Variants in GAB2 observed in about 807,000 individuals in gnomAD.
The protein encoded by GAB2 is GRB2 associated binding protein 2.
GAB2 carries 26 observed loss-of-function variants against 65.5 expected under a neutral mutation model. The observed-to-expected ratio is 0.40, with a 90% CI of 0.29 to 0.55. GAB2 has a LOEUF of 0.55. Among genes scored for constraint, GAB2 ranks in the 20% least tolerant of loss-of-function variants. The pLI is 0.53. For missense variants in GAB2, 884 were observed against 875.8 expected, an observed-to-expected ratio of 1.01 and a Z score of -0.12; for synonymous variants, 321 against 329.6, an observed-to-expected ratio of 0.97 and a Z score of 0.28.
At chr11:78,304,032 ATT>A (rs1855296101) in intron 1 of GAB2, among the ~76,000 whole-genome samples, 2 of 151,958 alleles carry the variant, frequency 1.3e-5, no homozygotes, top group African/African-American at 4.8e-5. Flanking sequence ...TTATATTTAA[ATT>A]ATATATTTAA....
At chr11:78,258,534 T>A (rs1865653939) in intron 2 of GAB2, among the ~76,000 whole-genome samples, 1 of 152,134 alleles carries the variant, frequency 6.6e-6, no homozygotes, top group African/African-American at 2.4e-5. Context: ...ATGAGAAACA[T>A]GTATTTAAAA....
chr11:78,354,733 C>T (rs188716255), intron 1 of GAB2, among the ~76,000 whole-genome samples: 1 of 152,208 alleles, frequency 6.6e-6, no homozygotes, highest in South Asian at 2.1e-4. Context: ...TTAAATCTGA[C>T]CTTTTCCTGT....
At chr11:78,350,388 G>C (rs1856258247) in intron 1 of GAB2, among the ~76,000 whole-genome samples, 1 of 152,168 alleles carries the variant, frequency 6.6e-6, no homozygotes, top group Admixed American at 6.5e-5. Context: ...AGACTGGAGT[G>C]ATCAGGTTTT....
chr11:78,260,488 T>TC (rs1660392388), intron 2 of GAB2, among the ~76,000 whole-genome samples: 1 of 152,054 alleles, frequency 6.6e-6, no homozygotes, highest in Non-Finnish European at 1.5e-5. Flanking sequence ...TTTTTTTTTT[T>TC]TGAATGGAGT....
At chr11:78,327,786 T>C (rs1477929347) in intron 1 of GAB2, among the ~76,000 whole-genome samples, 1 of 152,212 alleles carries the variant, frequency 6.6e-6, no homozygotes, top group East Asian at 1.9e-4. Flanking sequence ...TCCTAAATTC[T>C]TAATAACTAG....
At chr11:78,249,685 AT>A (rs766558269) in intron 3 of GAB2, among the ~76,000 whole-genome samples, 1 of 152,178 alleles carries the variant, frequency 6.6e-6, no homozygotes, top group Non-Finnish European at 1.5e-5. Flanking sequence ...AAGGAACTGA[AT>A]TTTACATTTT....
intron 1 of GAB2, among the ~76,000 whole-genome samples, chr11:78,307,634 G>GAGAGAGAGAGAGAGA (rs1351551132): frequency 2.0e-5 from 3 of 150,232 alleles, no homozygotes; most frequent in Admixed American, 1.3e-4. Flanking sequence ...GAGAGAGAGA[G>GAGAGAGAGAGAGAGA]ATGTTGAGTC....
chr11:78,339,114 T>C (rs1181909691), intron 1 of GAB2, among the ~76,000 whole-genome samples: 1 of 151,968 alleles, frequency 6.6e-6, no homozygotes, highest in South Asian at 2.1e-4. Flanking sequence ...TTAGTAGAGA[T>C]AGGGATTTGC....
chr11:78,259,823 AC>A (rs1166648691), intron 2 of GAB2, among the ~76,000 whole-genome samples: 1 of 152,162 alleles, frequency 6.6e-6, no homozygotes, highest in Non-Finnish European at 1.5e-5. Flanking sequence ...TCAGAAATGA[AC>A]CCTGGAATAA....
intron 3 of GAB2, among the ~76,000 whole-genome samples, chr11:78,249,349 A>G (rs1185859508): frequency 1.3e-5 from 2 of 152,260 alleles, no homozygotes; most frequent in East Asian, 1.9e-4. Context: ...TTGTCATAAC[A>G]TGAATTAGAT....
chr11:78,384,215 T>C (rs1207182540), intron 1 of GAB2, among the ~76,000 whole-genome samples: 1 of 152,138 alleles, frequency 6.6e-6, no homozygotes, highest in Non-Finnish European at 1.5e-5. Context: ...CAAATGATAA[T>C]GAGAGAGCTG....
At chr11:78,265,293 C>T (rs1189619019) in intron 2 of GAB2, among the ~76,000 whole-genome samples, 1 of 151,496 alleles carries the variant, frequency 6.6e-6, no homozygotes, top group Non-Finnish European at 1.5e-5. Context: ...TCATTTAAAA[C>T]ACAAAAGTCA....
intron 1 of GAB2, among the ~76,000 whole-genome samples, chr11:78,292,653 G>A (rs1261130107): frequency 6.6e-6 from 1 of 152,192 alleles, no homozygotes; most frequent in Non-Finnish European, 1.5e-5. Flanking sequence ...AACATTACAA[G>A]AGTACAGTGG....
At chr11:78,266,625 T>G (rs1369958378) in intron 2 of GAB2, among the ~76,000 whole-genome samples, 6 of 152,232 alleles carry the variant, frequency 3.9e-5, no homozygotes, top group Non-Finnish European at 1.5e-5. Context: ...TAGTTATATC[T>G]TGGCACGGAG....
intron 3 of GAB2, among the ~76,000 whole-genome samples, chr11:78,236,771 GATTGT>G (rs1175534709): frequency 2.0e-4 from 3 of 15,178 alleles, no homozygotes; most frequent in Middle Eastern, 0.062. Flanking sequence ...GAATTACTTT[GATTGT>G]TTTTTTTTTG....
intron 1 of GAB2, among the ~76,000 whole-genome samples, chr11:78,402,433 ATTTT>A (rs979179968): frequency 5.4e-5 from 8 of 147,176 alleles, no homozygotes; most frequent in African/African-American, 2.0e-4. Flanking sequence ...TTTAAAAAAA[ATTTT>A]TTTTTTTTTG....
intron 9 of GAB2, among the ~76,000 whole-genome samples, 175 bp from the exon 10 acceptor site, chr11:78,219,590 C>T (rs896693285): frequency 6.6e-6 from 1 of 152,176 alleles, no homozygotes; most frequent in Non-Finnish European, 1.5e-5. Flanking sequence ...GGCTTTAAAG[C>T]TCAGACTCCA....
chr11:78,361,815 A>C (rs1346382228), intron 1 of GAB2, among the ~76,000 whole-genome samples: 1 of 152,172 alleles, frequency 6.6e-6, no homozygotes, highest in East Asian at 1.9e-4. Context: ...CATATAATCT[A>C]CCAAAAGTGT....
At chr11:78,367,836 T>G (rs1856517367) in intron 1 of GAB2, among the ~76,000 whole-genome samples, 1 of 148,572 alleles carries the variant, frequency 6.7e-6, no homozygotes, top group East Asian at 2.0e-4. Context: ...TTTTTTTTTT[T>G]TTTTTTGAGA....
Sources: allele counts gnomAD v4.1 joint callset (sites outside exome capture counted in the v4.1 genomes callset), GRCh38; gene constraint gnomAD v4.1.1; transcripts MANE v1.5; gene names NCBI Gene and HGNC (gene_info 2026-07-23, HGNC 2026-07-21).